BNC2: variants seen among roughly 807,000 people sequenced by gnomAD.
BNC2 encodes zinc finger protein basonuclin-2.
A neutral mutation model predicts 76.3 loss-of-function variants in BNC2; 20 were observed. The observed-to-expected ratio is 0.26, with a 90% CI of 0.18 to 0.38. BNC2 has a LOEUF of 0.38. Ranked by LOEUF, BNC2 falls within the 10% of genes least tolerant of loss-of-function variation. The probability of loss-of-function intolerance (pLI) is 1.00; values close to 1 mark genes in which losing one functional copy is unlikely to be tolerated. For synonymous variants in BNC2, 582 were observed against 514.8 expected (o/e 1.13, Z -1.77); for missense variants, 1,382 against 1,399.8 (o/e 0.99, Z 0.20).
At position 16,813,190 on chromosome 9, in the gene BNC2, C is replaced by T. The variant is rs1208035635; in HGVS notation, c.3+57456G>A. Among the ~76,000 whole-genome samples, 14 of 152,136 alleles carry T rather than the reference C, an allele frequency of 9.2e-5. No individual in the cohort carries two copies. In the South Asian group the frequency reaches 2.1e-3, roughly 23 times the overall value. ...TCCAGCCTCGGACAGAGCGAGACTC[C>T]GTCTCAAAAAGAAGAAAAACTCCTA... is the stretch of plus-strand genomic sequence containing the variant. On this transcript the variant is annotated intron_variant, in intron 1 of 6. Transcript: ENST00000380672.
At chr9:16,599,969 G>C (rs1017352129) in intron 3 of BNC2, among the ~76,000 whole-genome samples, 1 of 152,080 alleles carries the variant, frequency 6.6e-6, no homozygotes, top group African/African-American at 2.4e-5. Context: ...GGTCTACGAA[G>C]AATGATAAAG....
intron 5 of BNC2, among the ~76,000 whole-genome samples, chr9:16,480,839 C>T (rs1386228061): frequency 1.3e-5 from 2 of 152,056 alleles, no homozygotes; most frequent in East Asian, 1.9e-4. Context: ...ACAAGTGCCA[C>T]CCCCTGCTCC....
At chr9:16,611,313 G>A (rs1205339465) in intron 3 of BNC2, among the ~76,000 whole-genome samples, 3 of 152,112 alleles carry the variant, frequency 2.0e-5, no homozygotes, top group Non-Finnish European at 4.4e-5. Flanking sequence ...TGAAGGGAAG[G>A]GCTCCAGGAT....
In BNC2 at chr9:16,437,318, G is replaced by A; in HGVS notation, c.876C>T (p.Thr292=). Residue 292 remains threonine (T), a synonymous_variant, in exon 6 of 7, where the codon ACC becomes ACT. Coordinates refer to ENST00000380672, the MANE Select transcript of BNC2 (RefSeq NM_017637.6). ...AGTGAGCAAGGAGGCTGGGACTCCT[G>A]GTGCGATTATTGCTCTCAATGAAAG... ...IRTFIESNNR[T]RSPSLLAHLE... is the part of the protein sequence containing the mutation. The A allele has an allele frequency of 1.9e-6, 3 of 1,614,102 alleles. No homozygotes were observed. The highest frequency in any genetic ancestry group is 2.5e-6 in the Non-Finnish European group (3 of 1,179,976).
chr9:16,690,149 A>G (rs1823113252), intron 3 of BNC2, among the ~76,000 whole-genome samples: 1 of 152,190 alleles, frequency 6.6e-6, no homozygotes, highest in Admixed American at 6.5e-5. Flanking sequence ...ATAGAACCTA[A>G]GGGCGAAGAA....
intron 5 of BNC2, among the ~76,000 whole-genome samples, chr9:16,438,973 G>A (rs1338548398): frequency 2.0e-5 from 3 of 152,102 alleles, no homozygotes; most frequent in East Asian, 1.9e-4. Context: ...GGAGGGAGCC[G>A]GTGGAAGTTA....
At chr9:16,828,579 A>C (rs1818505075) in intron 1 of BNC2, among the ~76,000 whole-genome samples, 1 of 152,190 alleles carries the variant, frequency 6.6e-6, no homozygotes, top group South Asian at 2.1e-4. Flanking sequence ...ACCAGTAAAA[A>C]CAGGAAAGTT....
intron 5 of BNC2, among the ~76,000 whole-genome samples, chr9:16,525,067 G>C (rs1175234803): frequency 7.1e-6 from 1 of 141,134 alleles, no homozygotes; most frequent in Admixed American, 7.1e-5. Flanking sequence ...CAGAGACCCG[G>C]AGTGGGGGAG....
At chr9:16,509,369 C>T (rs893113086) in intron 5 of BNC2, among the ~76,000 whole-genome samples, 1 of 152,210 alleles carries the variant, frequency 6.6e-6, no homozygotes, top group African/African-American at 2.4e-5. Context: ...CTGTTGTCTA[C>T]AGTCCTCGAG....
intron 3 of BNC2, among the ~76,000 whole-genome samples, chr9:16,686,986 G>A (rs907209338): frequency 2.6e-5 from 4 of 152,082 alleles, no homozygotes; most frequent in South Asian, 4.1e-4. Flanking sequence ...GCCAATGCGC[G>A]AGTCACTATG....
At chr9:16,456,523 T>A (rs533917529) in intron 5 of BNC2, among the ~76,000 whole-genome samples, 4 of 103,820 alleles carry the variant, frequency 3.9e-5, no homozygotes, top group Non-Finnish European at 7.0e-5. Flanking sequence ...AGAGCAAGAC[T>A]CCGTCTCAAA....
At chr9:16,555,083 G>A (rs540826943) in intron 4 of BNC2, among the ~76,000 whole-genome samples, 3 of 152,014 alleles carry the variant, frequency 2.0e-5, no homozygotes, top group South Asian at 2.1e-4. Context: ...GCAGTGGCGC[G>A]ATCTCGGCTC....
At chr9:16,820,926 C>T (rs1563958508) in intron 1 of BNC2, among the ~76,000 whole-genome samples, 1 of 151,966 alleles carries the variant, frequency 6.6e-6, no homozygotes, top group African/African-American at 2.4e-5. Context: ...TTCAAGTAGG[C>T]CAGGCGCAGT....
chr9:16,829,758 G>T (rs1225621763), intron 1 of BNC2, among the ~76,000 whole-genome samples: 1 of 151,834 alleles, frequency 6.6e-6, no homozygotes, highest in Non-Finnish European at 1.5e-5. Context: ...ATGCTACTTG[G>T]GTTCTACATA....
intron 3 of BNC2, among the ~76,000 whole-genome samples, chr9:16,656,105 G>C (rs569564839): frequency 3.3e-5 from 5 of 152,308 alleles, no homozygotes; most frequent in South Asian, 4.1e-4. Context: ...GCTATGAGTA[G>C]AGGTCAAGAA....
intron 3 of BNC2, among the ~76,000 whole-genome samples, chr9:16,695,716 G>A (rs938183378): frequency 6.6e-6 from 1 of 151,874 alleles, no homozygotes; most frequent in Non-Finnish European, 1.5e-5. Flanking sequence ...GTGACGTGAA[G>A]CTCTTCTCAA....
intron 3 of BNC2, among the ~76,000 whole-genome samples, chr9:16,656,537 C>G (rs1461692825): frequency 6.6e-6 from 1 of 152,162 alleles, no homozygotes; most frequent in Admixed American, 6.5e-5. Flanking sequence ...CAAAAAACCA[C>G]ACAAAATTAA....
chr9:16,552,216 C>A (rs966670958), intron 5 of BNC2, among the ~76,000 whole-genome samples: 2 of 152,138 alleles, frequency 1.3e-5, no homozygotes, highest in Admixed American at 1.3e-4. Context: ...AAGAGCCCTC[C>A]TTTTTAATAG....
At chr9:16,559,554 G>A (rs962530064) in intron 4 of BNC2, among the ~76,000 whole-genome samples, 1 of 152,146 alleles carries the variant, frequency 6.6e-6, no homozygotes, top group Non-Finnish European at 1.5e-5. Flanking sequence ...CCACATGTTC[G>A]AATAAATAGT....
Sources: gnomAD v4.1 joint callset for allele counts (sites outside exome capture counted in the v4.1 genomes callset) on GRCh38, gnomAD v4.1.1 for gene constraint, MANE v1.5 for transcripts, NCBI Gene and HGNC (gene_info 2026-07-23, HGNC 2026-07-21) for gene names.